The following ZNF12 variants were observed in gnomAD, a reference collection of about 807,000 sequenced individuals.
ZNF12 encodes zinc finger protein 12.
In ZNF12, 34 loss-of-function variants were observed where a neutral mutation model predicts 66.6. That is an observed-to-expected ratio of 0.51 (90% CI 0.39 to 0.68). The LOEUF (loss-of-function observed/expected upper bound fraction) is 0.68. Among genes scored for constraint, ZNF12 ranks in the 30% least tolerant of loss-of-function variants. The pLI is 0.00. For synonymous variants in ZNF12, 320 were observed against 278.9 expected (o/e 1.15, Z -1.47); for missense variants, 697 against 826.9 (o/e 0.84, Z 1.93).
intron 2 of ZNF12, among the ~76,000 whole-genome samples, chr7:6,699,527 G>T (rs554919473): frequency 1.6e-4 from 24 of 152,364 alleles, no homozygotes; most frequent in African/African-American, 5.3e-4. Flanking sequence ...AGCAGGTGAT[G>T]AGAACTTCCT....
rs1780173152 is a variant in ZNF12 at position 6,697,615 on chromosome 7, T to C, written c.142+70A>G. 3 of 1,600,544 alleles carry C rather than the reference T, an allele frequency of 1.9e-6. No homozygotes were observed. In the East Asian group the frequency reaches 6.7e-5, roughly 36 times the overall value. ...TACTCACATTCGTCCCATCAAATTTTAAGTTAAAGTCATAAAATTTGTGAG... is the reference window on the plus strand; with the variant it reads ...TACTCACATTCGTCCCATCAAATTTCAAGTTAAAGTCATAAAATTTGTGAG... On this transcript the variant is annotated intron_variant, in intron 3 of 4. Coordinates refer to ENST00000405858, the MANE Select transcript of ZNF12 (RefSeq NM_016265.4). This position sits in a 1 kb window ranked among gnomAD's most constrained non-coding sequence, Gnocchi z 6.1.
chr7:6,698,353 A>G lies in ZNF12; in HGVS notation c.16-542T>C, dbSNP rs1251406008. Reference sequence around the variant, plus strand: ...TTGATGGTGAGCCCTCTTCCTGGCTAATTTAATTACCATCTATACACCAAC... The same window carrying G: ...TTGATGGTGAGCCCTCTTCCTGGCTGATTTAATTACCATCTATACACCAAC... On this transcript the variant is annotated intron_variant, in intron 2 of 4. Transcript: ENST00000405858. This position sits in a 1 kb window ranked among gnomAD's most constrained non-coding sequence, Gnocchi z 4.4. 1.3e-5 allele frequency among the ~76,000 whole-genome samples: 2 copies of G among 152,066 alleles called. No individual in the cohort carries two copies. The highest frequency in any genetic ancestry group is 2.9e-5 in the Non-Finnish European group (2 of 68,010).
chr7:6,701,331 A>G (rs1780240068), intron 2 of ZNF12, among the ~76,000 whole-genome samples: 1 of 152,214 alleles, frequency 6.6e-6, no homozygotes, highest in Admixed American at 6.5e-5. Context: ...AAATGATGTT[A>G]GTGTCTAAGA....
chr7:6,694,960 G>A (rs760036904), intron 4 of ZNF12, among the ~76,000 whole-genome samples: 4 of 152,098 alleles, frequency 2.6e-5, no homozygotes, highest in Non-Finnish European at 5.9e-5. Flanking sequence ...GTCTTGCTCT[G>A]TCACCCAGGC....
At position 6,690,671 on chromosome 7, in the gene ZNF12, G is replaced by T; in HGVS notation, c.*177C>A. The T allele has an allele frequency of 1.6e-6, 1 of 615,500 alleles. No individual in the cohort carries two copies. The highest frequency in any genetic ancestry group is 2.7e-6 in the Non-Finnish European group (1 of 364,334). The allele number at this position is 615,500 out of a possible 1,614,324, so 38.1% of individuals were successfully genotyped here. Reference sequence around the variant, plus strand: ...ATAGTCTAGTATTGTTATACCATGTGGTCTTGTTATAATCATGGTTTCCAT... The same window carrying T: ...ATAGTCTAGTATTGTTATACCATGTTGTCTTGTTATAATCATGGTTTCCAT... On this transcript the variant is annotated 3_prime_UTR_variant, in exon 5 of 5. Transcript: ENST00000405858.
At position 6,702,382 on chromosome 7, in the gene ZNF12, C is replaced by CCA. The variant is rs143849577; in HGVS notation, c.15+2775_15+2776dup. On this transcript the variant is annotated intron_variant, in intron 2 of 4. Transcript: ENST00000405858. ...ACACACCAGATTCATCTCCCAAACT[C>CCA]CACACACACACACACAACCAGATTC... Among the ~76,000 whole-genome samples, 392 of 147,804 alleles carry CCA rather than the reference C, an allele frequency of 2.7e-3. 1 individual carries two copies. The highest frequency in any genetic ancestry group is 4.0e-3 in the Admixed American group (59 of 14,700).
Position 6,697,643 on chromosome 7 carries a change from A to G in ZNF12, c.142+42T>C. ...GTTAAAGTCATAAAATTTGTGAGAA[A>G]TCCCATATATTTTAGCAACTGAGAA... On this transcript the variant is annotated intron_variant, in intron 3 of 4. Transcript: ENST00000405858. This position sits in a 1 kb window ranked among gnomAD's most constrained non-coding sequence, Gnocchi z 6.1. The G allele has an allele frequency of 6.2e-7, 1 of 1,610,440 alleles. No individual in the cohort carries two copies. Among genetic ancestry groups the G allele is most frequent in the Non-Finnish European group, 8.5e-7 (1 of 1,178,022 alleles).
chr7:6,695,945 C>A (rs747210531), intron 4 of ZNF12, among the ~76,000 whole-genome samples: 1 of 152,138 alleles, frequency 6.6e-6, no homozygotes, highest in African/African-American at 2.4e-5. Flanking sequence ...GTGAACCAAA[C>A]GGAGTTTAGT....
In ZNF12 at chr7:6,700,336, C is replaced by CACACATAT. The variant is rs59783256; in HGVS notation, c.16-2526_16-2525insATATGTGT. Among the ~76,000 whole-genome samples, 484 of 143,048 alleles carry CACACATAT rather than the reference C, an allele frequency of 3.4e-3. 1 individual carries two copies. The highest frequency in any genetic ancestry group is 0.011 in the African/African-American group (411 of 36,274). The allele number at this position is 143,048 out of a possible 152,430, so 93.8% of individuals were successfully genotyped here. A position where few individuals can be genotyped will look rare whatever the true frequency, so the allele number is the denominator to read the frequency against. Reference sequence around the variant, plus strand: ...ACACACACACACACACACACACACACATATATATACATATGTGCCAGGGAC... The same window carrying CACACATAT: ...ACACACACACACACACACACACACACACACATATATATATATACATATGTGCCAGGGAC... On this transcript the variant is annotated intron_variant, in intron 2 of 4. Transcript: ENST00000405858.
rs547164709 is a variant in ZNF12, at chr7:6,705,304, A to C, written c.-50-81T>G. 90 of 1,037,886 alleles carry C rather than the reference A, an allele frequency of 8.7e-5. 1 individual carries two copies. In the East Asian group the frequency reaches 2.2e-3, roughly 26 times the overall value. The allele number at this position is 1,037,886 out of a possible 1,614,324, so 64.3% of individuals were successfully genotyped here. A position where few individuals can be genotyped will look rare whatever the true frequency, so the allele number is the denominator to read the frequency against. On this transcript the variant is annotated intron_variant, in intron 1 of 4. Transcript: ENST00000405858. The surrounding 1 kb of genome is among the most constrained non-coding windows in gnomAD (Gnocchi z 4.0). ...GTCATCTCCCGCCCAAAACCTACACAGAAAGTTCCAAGAAGTACATCTTGT... is the reference window on the plus strand; with the variant it reads ...GTCATCTCCCGCCCAAAACCTACACCGAAAGTTCCAAGAAGTACATCTTGT...
rs1265872637 is a variant in ZNF12 at position 6,706,946 on chromosome 7, C to T, written c.-565G>A. 7.5e-6 allele frequency: 3 copies of T among 400,820 alleles called. No individual in the cohort carries two copies. Among genetic ancestry groups the T allele is most frequent in the South Asian group, 1.7e-5 (1 of 60,064 alleles). The allele number at this position is 400,820 out of a possible 1,614,324, so 24.8% of individuals were successfully genotyped here. On this transcript the variant is annotated 5_prime_UTR_variant, in exon 1 of 5. In the 5' UTR this introduces an upstream ATG that the reference lacks. Coordinates refer to ENST00000405858, the MANE Select transcript of ZNF12 (RefSeq NM_016265.4). Reference sequence around the variant, plus strand: ...TGGGGACGCACAGGAAGCGAGGGCACTGCGGCCGCGGCGCGCATGCGCGAA... The same window carrying T: ...TGGGGACGCACAGGAAGCGAGGGCATTGCGGCCGCGGCGCGCATGCGCGAA...
At chr7:6,703,957 G>A (rs567627011) in intron 2 of ZNF12, among the ~76,000 whole-genome samples, 1 of 152,304 alleles carries the variant, frequency 6.6e-6, no homozygotes, top group African/African-American at 2.4e-5. Context: ...CACAGGCTAT[G>A]GGATAAAATG....
At chr7:6,706,293 G>T in intron 1 of ZNF12, 139 bp downstream of exon 1, 1 of 416,358 alleles carries the variant, frequency 2.4e-6, no homozygotes, top group Non-Finnish European at 4.9e-6. Flanking sequence ...CGTCCTCGCC[G>T]GACCCTGCCT....
In ZNF12 at chr7:6,705,727, C is replaced by A. The variant is rs57958105; in HGVS notation, c.-50-504G>T. Among the ~76,000 whole-genome samples, 28,359 of 148,366 alleles carry A rather than the reference C, an allele frequency of 0.19. 3,007 individuals are homozygous for A. Among genetic ancestry groups the A allele is most frequent in the African/African-American group, 0.25 (9,977 of 40,162 alleles). ...AAGCGAAACTTGTCTCAAAAACAAACAAACAAACAAACAAAAAACAAACAA... is the reference window on the plus strand; with the variant it reads ...AAGCGAAACTTGTCTCAAAAACAAAAAAACAAACAAACAAAAAACAAACAA... On this transcript the variant is annotated intron_variant, in intron 1 of 4. Transcript: ENST00000405858. This position sits in a 1 kb window ranked among gnomAD's most constrained non-coding sequence, Gnocchi z 4.0.
In ZNF12 at chr7:6,697,435, C is replaced by A; in HGVS notation, c.143-1G>T. ...ACATCCGGTTTGATAATGTGATACC[C>A]TGTTAATGAGAAATGAAAGAGAACT... On this transcript the variant is annotated splice_acceptor_variant, in intron 3 of 4. Coordinates refer to ENST00000405858, the MANE Select transcript of ZNF12 (RefSeq NM_016265.4). LOFTEE classifies it high-confidence loss of function. This position sits in a 1 kb window ranked among gnomAD's most constrained non-coding sequence, Gnocchi z 6.1. 6.2e-7 allele frequency: 1 copy of A among 1,610,390 alleles called. No individual in the cohort carries two copies.
chr7:6,697,961 T>A lies in ZNF12; in HGVS notation c.16-150A>T. On this transcript the variant is annotated intron_variant, in intron 2 of 4. Transcript: ENST00000405858. This position sits in a 1 kb window ranked among gnomAD's most constrained non-coding sequence, Gnocchi z 6.1. ...CAAAGGGAAACAAACATATCAGAAATACACTGTTCTGGGGTTCATTCAGTA... is the reference window on the plus strand; with the variant it reads ...CAAAGGGAAACAAACATATCAGAAAAACACTGTTCTGGGGTTCATTCAGTA... The A allele has an allele frequency of 1.0e-6, 1 of 981,166 alleles. No individual in the cohort carries two copies. The highest frequency in any genetic ancestry group is 1.6e-6 in the Non-Finnish European group (1 of 614,924). 60.8% of individuals were successfully genotyped at this position (981,166 alleles called of 1,614,324 possible).
rs577593487 is a variant in ZNF12, at chr7:6,695,907, A to G, written c.238+1432T>C. 7.2e-5 allele frequency among the ~76,000 whole-genome samples: 11 copies of G among 152,344 alleles called. No homozygotes were observed. The East Asian group carries it at 2.1e-3, about 29-fold the overall frequency. On this transcript the variant is annotated intron_variant, in intron 4 of 4. Coordinates refer to ENST00000405858, the MANE Select transcript of ZNF12 (RefSeq NM_016265.4). ...TGAAATGTAAAGCTGTAGGGACAAT[A>G]GTATCATGAAGAGAAGACATTAGGA...
At chr7:6,704,790 T>C (rs999947472) in intron 2 of ZNF12, among the ~76,000 whole-genome samples, 3 of 124,628 alleles carry the variant, frequency 2.4e-5, no homozygotes, top group African/African-American at 9.3e-5. Flanking sequence ...AGAATTGCAA[T>C]GGTTCAAGGG....
intron 4 of ZNF12, among the ~76,000 whole-genome samples, chr7:6,694,587 G>C (rs770205898): frequency 6.6e-6 from 1 of 152,140 alleles, no homozygotes; most frequent in African/African-American, 2.4e-5. Flanking sequence ...GTCACATCAA[G>C]CTGGGAGAGA....
Sources: allele counts gnomAD v4.1 joint callset (sites outside exome capture counted in the v4.1 genomes callset), GRCh38; gene constraint gnomAD v4.1.1; non-coding constraint Gnocchi (gnomAD v3.1); transcripts MANE v1.5; gene names NCBI Gene and HGNC (gene_info 2026-07-23, HGNC 2026-07-21).